Variants in RHOU observed in about 807,000 individuals in gnomAD.
The protein encoded by RHOU is rho-related GTP-binding protein RhoU.
In RHOU, 8 loss-of-function variants were observed where a neutral mutation model predicts 12.6. That is an observed-to-expected ratio of 0.64 (90% confidence interval 0.37 to 1.15). RHOU has a LOEUF of 1.15. Ranked by LOEUF, RHOU falls within the 50% of genes most tolerant of loss-of-function variation. The probability of loss-of-function intolerance (pLI) is 0.01; values close to 1 mark genes in which losing one functional copy is unlikely to be tolerated. For synonymous variants in RHOU, 161 were observed against 147.4 expected, an observed-to-expected ratio of 1.09 and a Z score of -0.67; for missense variants, 258 against 347.0, an observed-to-expected ratio of 0.74 and a Z score of 2.04.
At chr1:228,647,710 C>A in the RHOU span, among the ~76,000 whole-genome samples, 2 of 152,206 alleles carry the variant, frequency 1.3e-5, no homozygotes, top group African/African-American at 4.8e-5. Flanking sequence ...GGTGTTTCTG[C>A]TGGATCCGGT....
the RHOU span, among the ~76,000 whole-genome samples, chr1:228,678,098 A>G: frequency 6.6e-6 from 1 of 152,086 alleles, no homozygotes; most frequent in African/African-American, 2.4e-5. Context: ...ATGTGTAGGG[A>G]AGAGAGGGGG....
the RHOU span, among the ~76,000 whole-genome samples, chr1:228,676,416 T>G: frequency 6.6e-6 from 1 of 152,166 alleles, no homozygotes. Context: ...CTTTGGATTT[T>G]GGGAGGCTGA....
chr1:228,715,212 G>T, the RHOU span, among the ~76,000 whole-genome samples: 2 of 148,080 alleles, frequency 1.4e-5, no homozygotes, highest in African/African-American at 2.5e-5. Context: ...TAAAATCTTT[G>T]ATTTTTATTG....
intron 2 of RHOU, among the ~76,000 whole-genome samples, chr1:228,741,545 C>T (rs763732373): frequency 3.9e-5 from 6 of 152,146 alleles, no homozygotes; most frequent in Non-Finnish European, 8.8e-5. Context: ...CTTTGAGGCC[C>T]TCTAAGAACA....
the RHOU span, among the ~76,000 whole-genome samples, chr1:228,646,474 A>G: frequency 1.3e-5 from 1 of 74,938 alleles, no homozygotes; most frequent in Non-Finnish European, 2.6e-5. Context: ...CTCTTGCCCC[A>G]CCCACCCAGA....
Position 228,735,991 on chromosome 1 carries a change from C to G in RHOU, c.249C>G (p.Phe83Leu), listed in dbSNP as rs766432084. The part of the protein sequence containing the change: ...GYPTEYIPTA[F>L]DNFSAVVSVD... ...CCACCGAGTACATCCCTACTGCCTTCGACAACTTCTCCGGTGAGCTGGCCG... is the reference window on the plus strand; with the variant it reads ...CCACCGAGTACATCCCTACTGCCTTGGACAACTTCTCCGGTGAGCTGGCCG... Residue 83 changes from phenylalanine (F) to leucine (L), a missense_variant, in exon 1 of 3, where the codon TTC becomes TTG. Physicochemically the swap from Phe to Leu is conservative, Grantham distance 22 (BLOSUM62 0). Coordinates refer to ENST00000366691, the MANE Select transcript of RHOU (RefSeq NM_021205.6). The surrounding 1 kb of genome is among the most constrained non-coding windows in gnomAD (Gnocchi z 8.1). 1.3e-6 allele frequency: 2 copies of G among 1,578,616 alleles called. No individual in the cohort carries two copies. The highest frequency in any genetic ancestry group is 2.2e-5 in the South Asian group (2 of 90,210).
the RHOU span, among the ~76,000 whole-genome samples, chr1:228,711,645 T>C: frequency 6.6e-6 from 1 of 152,202 alleles, no homozygotes; most frequent in Non-Finnish European, 1.5e-5. Context: ...TTACACCTTA[T>C]ACAAAAATTA....
chr1:228,650,900 G>A, the RHOU span: 1,033 of 376,886 alleles, frequency 2.7e-3, 4 homozygotes, highest in Middle Eastern at 0.028. Flanking sequence ...ACCTACATAC[G>A]AATGGATCCT....
At chr1:228,653,486 ATTTTGTAT>A in the RHOU span, among the ~76,000 whole-genome samples, 1 of 151,932 alleles carries the variant, frequency 6.6e-6, no homozygotes, top group Non-Finnish European at 1.5e-5. Context: ...TGCCCAGCTA[ATTTTGTAT>A]TTTTAGTAGA....
the RHOU span, among the ~76,000 whole-genome samples, chr1:228,730,027 C>T: frequency 6.6e-6 from 1 of 152,194 alleles, no homozygotes; most frequent in Non-Finnish European, 1.5e-5. Flanking sequence ...TATGATTTCC[C>T]CATCTTTTCT....
At chr1:228,653,674 T>C in the RHOU span, among the ~76,000 whole-genome samples, 1 of 152,204 alleles carries the variant, frequency 6.6e-6, no homozygotes, top group East Asian at 1.9e-4. Context: ...CAGGCTGGTC[T>C]CGAACTCCTG....
the RHOU span, among the ~76,000 whole-genome samples, chr1:228,681,282 C>T: frequency 6.6e-6 from 1 of 151,944 alleles, no homozygotes; most frequent in Non-Finnish European, 1.5e-5. Context: ...TAAACCAGAC[C>T]GGGTGTGGGA....
chr1:228,660,852 G>C, the RHOU span, among the ~76,000 whole-genome samples: 1 of 149,812 alleles, frequency 6.7e-6, no homozygotes, highest in Non-Finnish European at 1.5e-5. Flanking sequence ...AGAATTGCTT[G>C]AACCCAGGAG....
Position 228,735,838 on chromosome 1 carries a change from G to T in RHOU, c.96G>T (p.Gly32=). 1 of 1,301,482 alleles carries T rather than the reference G, an allele frequency of 7.7e-7. No homozygotes were observed. The highest frequency in any genetic ancestry group is 9.7e-7 in the Non-Finnish European group (1 of 1,028,348). 80.6% of individuals were successfully genotyped at this position (1,301,482 alleles called of 1,614,324 possible). A position where few individuals can be genotyped will look rare whatever the true frequency, so the allele number is the denominator to read the frequency against. ...RRERGGRGGR[G]PGEPGGRGRA... Reference sequence around the variant, plus strand: ...AGCGCGGTGGACGCGGGGGACGCGGGCCTGGGGAGCCGGGGGGCCGGGGGC... The same window carrying T: ...AGCGCGGTGGACGCGGGGGACGCGGTCCTGGGGAGCCGGGGGGCCGGGGGC... Residue 32 remains glycine (G), a synonymous_variant, in exon 1 of 3, where the codon GGG becomes GGT. Transcript: ENST00000366691. The surrounding 1 kb of genome is among the most constrained non-coding windows in gnomAD (Gnocchi z 8.1).
At chr1:228,670,729 G>A in the RHOU span, among the ~76,000 whole-genome samples, 4 of 152,164 alleles carry the variant, frequency 2.6e-5, no homozygotes, top group African/African-American at 9.7e-5. Context: ...GCAGAGGCCT[G>A]GTGGGAGGTG....
At chr1:228,718,578 C>G in the RHOU span, among the ~76,000 whole-genome samples, 1 of 152,060 alleles carries the variant, frequency 6.6e-6, no homozygotes, top group African/African-American at 2.4e-5. Context: ...CCTTTATCAA[C>G]AGGATAAAGA....
chr1:228,724,489 A>C, the RHOU span, among the ~76,000 whole-genome samples: 7 of 152,130 alleles, frequency 4.6e-5, no homozygotes, highest in Admixed American at 2.6e-4. Flanking sequence ...TTTGGTAAGA[A>C]TTTTTTTTGT....
chr1:228,739,208 A>G (rs1004944981), intron 2 of RHOU, among the ~76,000 whole-genome samples: 1 of 152,200 alleles, frequency 6.6e-6, no homozygotes, highest in African/African-American at 2.4e-5. Context: ...TTATAATTCA[A>G]GCTTCATTTC....
the RHOU span, among the ~76,000 whole-genome samples, chr1:228,702,559 T>A: frequency 6.6e-6 from 1 of 152,110 alleles, no homozygotes; most frequent in Non-Finnish European, 1.5e-5. Context: ...ATCCAGAGGC[T>A]CGGAAAACAA....
Sources: gnomAD v4.1 joint callset for allele counts (sites outside exome capture counted in the v4.1 genomes callset) on GRCh38, gnomAD v4.1.1 for gene constraint, Gnocchi (gnomAD v3.1) non-coding constraint, MANE v1.5 for transcripts, NCBI Gene and HGNC (gene_info 2026-07-23, HGNC 2026-07-21) for gene names.